The following ESRRG variants were observed in gnomAD, a reference collection of about 807,000 sequenced individuals.
ESRRG encodes the protein estrogen related receptor gamma.
ESRRG carries 13 observed loss-of-function variants against 44.0 expected under a neutral mutation model. The ratio of observed to expected loss-of-function variants is 0.30; its 90% CI spans 0.19 to 0.47. ESRRG has a LOEUF of 0.47. Ranked by LOEUF, ESRRG falls within the 20% of genes least tolerant of loss-of-function variation. The pLI is 1.00. For synonymous variants in ESRRG, 215 were observed against 214.6 expected (o/e 1.00, Z -0.02); for missense variants, 395 against 580.6 (o/e 0.68, Z 3.29).
chr1:216,697,676 G>A (rs1210274836), intron 1 of ESRRG, among the ~76,000 whole-genome samples: 1 of 152,178 alleles, frequency 6.6e-6, no homozygotes, highest in African/African-American at 2.4e-5. Context: ...AAGGTTGTGT[G>A]GAAGTTATGC....
chr1:217,079,962 C>T (rs916808087), intron 1 of ESRRG, among the ~76,000 whole-genome samples: 4 of 152,146 alleles, frequency 2.6e-5, no homozygotes, highest in Non-Finnish European at 4.4e-5. Context: ...GATGAAGCTA[C>T]ACCCAGTTTA....
At chr1:216,539,081 AAC>A (rs1340570587) in intron 5 of ESRRG, among the ~76,000 whole-genome samples, 1 of 152,042 alleles carries the variant, frequency 6.6e-6, no homozygotes, top group Non-Finnish European at 1.5e-5. Flanking sequence ...TAATATTTCA[AAC>A]ACAGTCTAGA....
intron 1 of ESRRG, among the ~76,000 whole-genome samples, chr1:217,009,932 A>G (rs1033636675): frequency 1.3e-5 from 2 of 151,754 alleles, no homozygotes; most frequent in Admixed American, 6.6e-5. Flanking sequence ...TCTCAAACTC[A>G]TGACCTCATA....
At chr1:216,603,023 G>A (rs982353617) in intron 3 of ESRRG, among the ~76,000 whole-genome samples, 2 of 152,042 alleles carry the variant, frequency 1.3e-5, no homozygotes, top group African/African-American at 4.8e-5. Context: ...TCTAATAATA[G>A]AGATCTTAAA....
chr1:216,676,978 A>C, intron 2 of ESRRG, 98 bp downstream of exon 2: 1 of 833,444 alleles, frequency 1.2e-6, no homozygotes, highest in Non-Finnish European at 1.9e-6. Context: ...GAGAATTAAA[A>C]CTATGATACT....
chr1:216,621,704 G>A (rs1288979293), intron 3 of ESRRG, among the ~76,000 whole-genome samples: 1 of 152,162 alleles, frequency 6.6e-6, no homozygotes, highest in African/African-American at 2.4e-5. Flanking sequence ...GTTCAGAACT[G>A]CAGACTGATG....
intron 5 of ESRRG, among the ~76,000 whole-genome samples, chr1:216,560,990 T>G (rs2058618508): frequency 6.6e-6 from 1 of 152,194 alleles, no homozygotes; most frequent in Non-Finnish European, 1.5e-5. Context: ...TCTTGTGCCC[T>G]TATGCTCCTC....
At chr1:216,836,759 T>C (rs10492952) in intron 2 of ESRRG, among the ~76,000 whole-genome samples, 37,028 of 152,106 alleles carry the variant, frequency 0.24, 4,599 homozygotes, top group Admixed American at 0.3. Flanking sequence ...TTGGCTAATT[T>C]AAAATCCTTG....
At chr1:216,797,668 C>G (rs1226454629) in intron 2 of ESRRG, among the ~76,000 whole-genome samples, 4 of 152,058 alleles carry the variant, frequency 2.6e-5, no homozygotes, top group Non-Finnish European at 5.9e-5. Context: ...TGGGATCAGA[C>G]AGGGGTTGTG....
chr1:216,980,105 TC>T (rs2150377553), intron 1 of ESRRG, among the ~76,000 whole-genome samples: 1 of 152,330 alleles, frequency 6.6e-6, no homozygotes, highest in South Asian at 2.1e-4. Context: ...TTTCATGATG[TC>T]CATTTAACAA....
intron 1 of ESRRG, among the ~76,000 whole-genome samples, chr1:217,133,825 C>A (rs2093009311): frequency 6.6e-6 from 1 of 151,936 alleles, no homozygotes; most frequent in Non-Finnish European, 1.5e-5. Context: ...AACCCTCAAC[C>A]AAAGAGCTGA....
intron 2 of ESRRG, among the ~76,000 whole-genome samples, chr1:216,820,101 G>A (rs1261331121): frequency 1.3e-5 from 2 of 152,114 alleles, no homozygotes; most frequent in African/African-American, 4.8e-5. Context: ...TAAAAACATA[G>A]CCTGGTAAGA....
chr1:217,033,011 T>C (rs993432408), intron 1 of ESRRG, among the ~76,000 whole-genome samples: 3 of 152,072 alleles, frequency 2.0e-5, no homozygotes, highest in Non-Finnish European at 4.4e-5. Context: ...CTAAGGCTTA[T>C]GGAAGGGGAG....
chr1:216,810,509 A>T (rs187257968), intron 2 of ESRRG, among the ~76,000 whole-genome samples: 3 of 150,674 alleles, frequency 2.0e-5, no homozygotes, highest in Admixed American at 1.3e-4. Context: ...AATATATCTG[A>T]TAAAAAGACA....
intron 1 of ESRRG, among the ~76,000 whole-genome samples, chr1:217,029,027 C>T (rs1230043866): frequency 1.3e-5 from 2 of 150,706 alleles, no homozygotes; most frequent in Non-Finnish European, 2.9e-5. Flanking sequence ...ACCATTACAG[C>T]TCAGAGTTTA....
At chr1:216,933,765 T>C (rs2063705375) in intron 2 of ESRRG, among the ~76,000 whole-genome samples, 1 of 152,208 alleles carries the variant, frequency 6.6e-6, no homozygotes, top group Non-Finnish European at 1.5e-5. Context: ...ATTTAACAAG[T>C]GATTCTCTTA....
At chr1:217,113,782 G>C (rs940029665) in intron 1 of ESRRG, among the ~76,000 whole-genome samples, 1 of 152,142 alleles carries the variant, frequency 6.6e-6, no homozygotes, top group African/African-American at 2.4e-5. Flanking sequence ...TAGAGGCCAG[G>C]AGTTCAAGAC....
chr1:216,506,390 C>A lies in ESRRG; in HGVS notation c.*549G>T. 1 of 301,142 alleles carries A rather than the reference C, an allele frequency of 3.3e-6. No individual in the cohort carries two copies. The highest frequency in any genetic ancestry group is 6.5e-6 in the Non-Finnish European group (1 of 153,746). The allele number at this position is 301,142 out of a possible 1,614,324, so 18.7% of individuals were successfully genotyped here. ...CTTCCATCTCTCTTCAGTTAGAGAC[C>A]TCTTTTAAAAGTTCAGCAGCAGAAG... On this transcript the variant is annotated 3_prime_UTR_variant, in exon 7 of 7. Transcript: ENST00000408911.
intron 1 of ESRRG, among the ~76,000 whole-genome samples, chr1:216,698,517 TC>T (rs1266449431): frequency 7.6e-5 from 3 of 39,420 alleles, no homozygotes; most frequent in African/African-American, 1.3e-4. Context: ...AGACTCAGTC[TC>T]AAAAAAAAAA....
Sources: allele counts gnomAD v4.1 joint callset (sites outside exome capture counted in the v4.1 genomes callset), GRCh38; gene constraint gnomAD v4.1.1; transcripts MANE v1.5; gene names NCBI Gene and HGNC (gene_info 2026-07-23, HGNC 2026-07-21).